The following PI4K2B variants were observed in gnomAD, a reference collection of about 807,000 sequenced individuals.
PI4K2B encodes phosphatidylinositol 4-kinase type 2 beta.
PI4K2B carries 46 observed loss-of-function variants against 56.6 expected under a neutral mutation model. That is an observed-to-expected ratio of 0.81 (90% CI 0.64 to 1.04). The LOEUF (loss-of-function observed/expected upper bound fraction) is 1.04, where lower values mean the gene tolerates loss of function less well. Ranked by LOEUF, PI4K2B falls within the 50% of genes least tolerant of loss-of-function variation. The pLI is 0.00. For synonymous variants in PI4K2B, 211 were observed against 223.8 expected, an observed-to-expected ratio of 0.94 and a Z score of 0.51; for missense variants, 556 against 607.7, an observed-to-expected ratio of 0.91 and a Z score of 0.89.
Position 25,263,772 on chromosome 4 carries a change from A to G in PI4K2B, c.1001A>G (p.Glu334Gly). Reference sequence around the variant, plus strand: ...TAGGAATCAAAATGGATTGATGATGAAGAATTCCTTATTAAAATAGCTGCA... The same window carrying G: ...TAGGAATCAAAATGGATTGATGATGGAGAATTCCTTATTAAAATAGCTGCA... Reference protein sequence around the residue: ...DHKESKWIDDEEFLIKIAAID... With the variant: ...DHKESKWIDDGEFLIKIAAID... The change falls in exon 7 of 10, where the codon GAA becomes GGA. Residue 334 changes from glutamate (E) to glycine (G), a missense_variant. Coordinates refer to ENST00000264864, the MANE Select transcript of PI4K2B (RefSeq NM_018323.4). 1 of 1,467,642 alleles carries G rather than the reference A, an allele frequency of 6.8e-7. No individual in the cohort carries two copies. The highest frequency in any genetic ancestry group is 9.5e-7 in the Non-Finnish European group (1 of 1,049,940). The allele number at this position is 1,467,642 out of a possible 1,614,324, so 90.9% of individuals were successfully genotyped here. A position where few individuals can be genotyped will look rare whatever the true frequency, so the allele number is the denominator to read the frequency against.
chr4:25,268,664 T>C, intron 8 of PI4K2B, 88 bp downstream of exon 8: 1 of 854,626 alleles, frequency 1.2e-6, no homozygotes, highest in Non-Finnish European at 1.8e-6. Context: ...CAATTTTCTA[T>C]TTCTTGTATT....
At chr4:25,266,791 G>A (rs1716677946) in intron 7 of PI4K2B, among the ~76,000 whole-genome samples, 1 of 152,036 alleles carries the variant, frequency 6.6e-6, no homozygotes, top group African/African-American at 2.4e-5. Context: ...AGAGGAAATA[G>A]CTTTTAAACT....
intron 4 of PI4K2B, among the ~76,000 whole-genome samples, chr4:25,257,406 A>G (rs1480931936): frequency 6.6e-6 from 1 of 152,152 alleles, no homozygotes; most frequent in East Asian, 1.9e-4. Context: ...TGAGAATGAC[A>G]AAAACTACCT....
chr4:25,253,564 T>C (rs1716141056), intron 2 of PI4K2B, among the ~76,000 whole-genome samples: 1 of 152,228 alleles, frequency 6.6e-6, no homozygotes, highest in African/African-American at 2.4e-5. Flanking sequence ...TTTGATCTTG[T>C]TGACTTTTTT....
intron 4 of PI4K2B, among the ~76,000 whole-genome samples, chr4:25,258,050 T>A (rs533680826): frequency 3.9e-5 from 6 of 152,334 alleles, no homozygotes; most frequent in Non-Finnish European, 8.8e-5. Flanking sequence ...TCCAACAAAT[T>A]GTTTACTATT....
In PI4K2B at chr4:25,260,639, T is replaced by TACAC. The variant is rs1222892257; in HGVS notation, c.978+49_978+50insCACA. The TACAC allele has an allele frequency of 3.5e-3, 206 of 58,334 alleles. 3 individuals are homozygous for TACAC. The highest frequency in any genetic ancestry group is 4.9e-3 in the East Asian group (17 of 3,478). The allele number at this position is 58,334 out of a possible 1,614,324, so 3.6% of individuals were successfully genotyped here. ...ATATATATATATATATATATATATA[T>TACAC]ATACACACACACACACACACACACA... On this transcript the variant is annotated intron_variant, in intron 6 of 9. Coordinates refer to ENST00000264864, the MANE Select transcript of PI4K2B (RefSeq NM_018323.4).
chr4:25,257,292 G>A (rs965545894), intron 4 of PI4K2B, among the ~76,000 whole-genome samples: 1 of 151,942 alleles, frequency 6.6e-6, no homozygotes, highest in Non-Finnish European at 1.5e-5. Flanking sequence ...GAATTCCTGG[G>A]CTGAAGCAAT....
chr4:25,255,280 AT>A lies in PI4K2B; in HGVS notation c.624+20del. On this transcript the variant is annotated intron_variant, in intron 3 of 9. Coordinates refer to ENST00000264864, the MANE Select transcript of PI4K2B (RefSeq NM_018323.4). ...CTAAAACAAAGGTAAGCCAGACTTT[AT>A]TTTTAACCATGGACTTTTAATTTAC... The A allele has an allele frequency of 1.3e-6, 2 of 1,598,058 alleles. No homozygotes were observed. The highest frequency in any genetic ancestry group is 1.7e-6 in the Non-Finnish European group (2 of 1,165,964).
chr4:25,235,305 T>C (rs1715209679), intron 1 of PI4K2B, among the ~76,000 whole-genome samples: 1 of 152,194 alleles, frequency 6.6e-6, no homozygotes, highest in Non-Finnish European at 1.5e-5. Flanking sequence ...GTGCACCCGG[T>C]TGGTTTATCG....
chr4:25,274,425 C>T (rs1717024420), intron 9 of PI4K2B, among the ~76,000 whole-genome samples: 1 of 152,108 alleles, frequency 6.6e-6, no homozygotes, highest in East Asian at 1.9e-4. Context: ...CTGATTTAAA[C>T]AGATAGTAAT....
intron 9 of PI4K2B, among the ~76,000 whole-genome samples, chr4:25,269,859 G>A (rs1716810521): frequency 1.3e-5 from 2 of 150,970 alleles, no homozygotes; most frequent in South Asian, 2.1e-4. Context: ...GACTACAGGC[G>A]CCCACCACCA....
At position 25,260,985 on chromosome 4, in the gene PI4K2B, G is replaced by A. The variant is rs187316606; in HGVS notation, c.978+394G>A. Among the ~76,000 whole-genome samples, 119 of 150,908 alleles carry A rather than the reference G, an allele frequency of 7.9e-4. No individual in the cohort carries two copies. The East Asian group carries it at 0.016, about 20-fold the overall frequency. ...GGCCTCCCAAAGTGCTGGGATTACA[G>A]TCATGTGCCACCACACCCAGCCAGT... On this transcript the variant is annotated intron_variant, in intron 6 of 9. Transcript: ENST00000264864.
At chr4:25,250,405 C>T (rs1329326293) in intron 1 of PI4K2B, 1 of 152,304 alleles carries the variant, frequency 6.6e-6, no homozygotes, top group Admixed American at 6.5e-5. Context: ...TGAGAACACA[C>T]AGACACATAG....
At chr4:25,276,842 T>G in intron 9 of PI4K2B, 172 bp from the exon 10 acceptor site, 5 of 984,898 alleles carry the variant, frequency 5.1e-6, no homozygotes, top group Non-Finnish European at 6.0e-6. Context: ...CGCGTGTGTG[T>G]GTAAACATAC....
chr4:25,262,074 T>C (rs1038392208), intron 6 of PI4K2B, among the ~76,000 whole-genome samples: 13 of 152,080 alleles, frequency 8.5e-5, no homozygotes, highest in Non-Finnish European at 1.6e-4. Flanking sequence ...GGTGGGAGGA[T>C]TGATTGAGTC....
In PI4K2B at chr4:25,265,564, T is replaced by C. The variant is rs562959744; in HGVS notation, c.1078+1715T>C. On this transcript the variant is annotated intron_variant, in intron 7 of 9. Transcript: ENST00000264864. ...CACAGGTGGTACTCTATGGCTCTGC[T>C]TTACATACTCATATTTTCTGACTTT... 1.8e-3 allele frequency among the ~76,000 whole-genome samples: 276 copies of C among 152,352 alleles called. 2 individuals carry two copies. Among genetic ancestry groups the C allele is most frequent in the African/African-American group, 6.4e-3 (266 of 41,588 alleles).
intron 7 of PI4K2B, chr4:25,267,662 T>C: frequency 2.2e-6 from 1 of 453,880 alleles, no homozygotes; most frequent in Non-Finnish European, 2.9e-6. Flanking sequence ...GTCAAAAACC[T>C]TACACTCTTG....
Position 25,278,143 on chromosome 4 carries a change from A to T in PI4K2B, c.*956A>T, listed in dbSNP as rs1479431319. Reference sequence around the variant, plus strand: ...TACTTGAAATTACAGATGTTATTATAATTACAGTCAAATGTAGACTATCAG... The same window carrying T: ...TACTTGAAATTACAGATGTTATTATTATTACAGTCAAATGTAGACTATCAG... On this transcript the variant is annotated 3_prime_UTR_variant, in exon 10 of 10. Transcript: ENST00000264864. 1 of 152,198 alleles carries T rather than the reference A, an allele frequency of 6.6e-6. No homozygotes were observed. The highest frequency in any genetic ancestry group is 1.9e-4 in the East Asian group (1 of 5,206). The allele number at this position is 152,198 out of a possible 1,614,324, so 9.4% of individuals were successfully genotyped here. A position where few individuals can be genotyped will look rare whatever the true frequency, so the allele number is the denominator to read the frequency against.
chr4:25,266,335 C>G (rs6842682), intron 7 of PI4K2B, among the ~76,000 whole-genome samples: 1,925 of 152,234 alleles, frequency 0.013, 41 homozygotes, highest in African/African-American at 0.043. Flanking sequence ...CTCAGCTAAT[C>G]TACTTTTATT....
Sources: gnomAD v4.1 joint callset for allele counts (sites outside exome capture counted in the v4.1 genomes callset) on GRCh38, gnomAD v4.1.1 for gene constraint, MANE v1.5 for transcripts, NCBI Gene and HGNC (gene_info 2026-07-23, HGNC 2026-07-21) for gene names.